Variants in CCSER1 observed in about 807,000 individuals in gnomAD.
CCSER1 encodes coiled-coil serine rich protein 1.
A neutral mutation model predicts 82.0 loss-of-function variants in CCSER1; 41 were observed. The ratio of observed to expected loss-of-function variants is 0.50; its 90% CI spans 0.39 to 0.65. CCSER1 has a LOEUF of 0.65. Ranked by LOEUF, CCSER1 falls within the 30% of genes least tolerant of loss-of-function variation. CCSER1 has a pLI of 0.00. For synonymous variants in CCSER1, 414 were observed against 383.9 expected, an observed-to-expected ratio of 1.08 and a Z score of -0.92; for missense variants, 1,119 against 1,064.2, an observed-to-expected ratio of 1.05 and a Z score of -0.72.
intron 10 of CCSER1, among the ~76,000 whole-genome samples, chr4:91,106,985 A>T (rs1234904501): frequency 1.3e-5 from 2 of 152,172 alleles, no homozygotes; most frequent in Non-Finnish European, 2.9e-5. Flanking sequence ...TAAGACTGTA[A>T]TGGGGCTACC....
chr4:90,266,297 A>C (rs780070512), intron 1 of CCSER1, among the ~76,000 whole-genome samples: 7 of 150,518 alleles, frequency 4.7e-5, no homozygotes, highest in Admixed American at 6.6e-5. Context: ...TAGAGAACTA[A>C]AATGAATGTC....
chr4:91,476,718 A>G (rs1348128552), intron 10 of CCSER1, among the ~76,000 whole-genome samples: 3 of 151,742 alleles, frequency 2.0e-5, no homozygotes, highest in Non-Finnish European at 4.4e-5. Context: ...CCATAGACAA[A>G]TAGAACAGAA....
chr4:90,603,223 C>G (rs925253032), intron 5 of CCSER1, among the ~76,000 whole-genome samples: 1 of 152,184 alleles, frequency 6.6e-6, no homozygotes, highest in Non-Finnish European at 1.5e-5. Flanking sequence ...AAATGTTAGG[C>G]CCATTATTTG....
intron 10 of CCSER1, among the ~76,000 whole-genome samples, chr4:91,544,427 CCT>C (rs1336647436): frequency 6.6e-6 from 1 of 152,072 alleles, no homozygotes; most frequent in Non-Finnish European, 1.5e-5. Context: ...CTGGTTTCTC[CCT>C]GTCTTTTTGG....
intron 10 of CCSER1, among the ~76,000 whole-genome samples, chr4:91,163,740 A>C (rs556142730): frequency 4.6e-5 from 7 of 151,326 alleles, no homozygotes; most frequent in Non-Finnish European, 1.0e-4. Context: ...TTTTTCAGAG[A>C]CTAGGATTGC....
At chr4:90,523,909 T>C (rs1205090443) in intron 5 of CCSER1, among the ~76,000 whole-genome samples, 1 of 152,170 alleles carries the variant, frequency 6.6e-6, no homozygotes, top group African/African-American at 2.4e-5. Flanking sequence ...GCTAAAGATG[T>C]CACTATTTGA....
chr4:91,490,705 T>G (rs1420534285), intron 10 of CCSER1, among the ~76,000 whole-genome samples: 1 of 149,726 alleles, frequency 6.7e-6, no homozygotes, highest in Admixed American at 6.7e-5. Context: ...CACTTAACAG[T>G]GTGACTACAG....
At position 90,309,357 on chromosome 4, in the gene CCSER1, C is replaced by G; in HGVS notation, c.1073C>G (p.Thr358Arg). ...TTACAAATTGCTGAACTACCTGCTA[C>G]AAGTGTGAGCCACTCAGAGAGTAAC... ...VLLQIAELPA[T>R]SVSHSESNLP... The change falls in exon 2 of 11, where the codon ACA (threonine) becomes AGA (arginine). Residue 358 changes from threonine (T) to arginine (R), a missense_variant. Coordinates refer to ENST00000509176, the MANE Select transcript of CCSER1 (RefSeq NM_001145065.2). 1 of 1,613,784 alleles carries G rather than the reference C, an allele frequency of 6.2e-7. No homozygotes were observed. Among genetic ancestry groups the G allele is most frequent in the Non-Finnish European group, 8.5e-7 (1 of 1,179,796 alleles).
In CCSER1 at chr4:91,352,651, C is replaced by A. The variant is rs535704743; in HGVS notation, c.2218-245921C>A. On this transcript the variant is annotated intron_variant, in intron 10 of 10. Transcript: ENST00000509176. ...GCATTCTTGCCTATACTGTATAAAACCTGATTTCTTAGACCAAATAATTTA... is the reference window on the plus strand; with the variant it reads ...GCATTCTTGCCTATACTGTATAAAAACTGATTTCTTAGACCAAATAATTTA... 6.6e-5 allele frequency among the ~76,000 whole-genome samples: 10 copies of A among 152,238 alleles called. No homozygotes were observed. The South Asian group carries it at 1.7e-3, about 25-fold the overall frequency.
chr4:91,332,725 C>T (rs933653140), intron 10 of CCSER1, among the ~76,000 whole-genome samples: 15 of 152,066 alleles, frequency 9.9e-5, no homozygotes, highest in Middle Eastern at 3.4e-3. Flanking sequence ...GTCTGTGGAA[C>T]GTAAGGAGCT....
intron 9 of CCSER1, among the ~76,000 whole-genome samples, chr4:91,076,658 C>G (rs13114157): frequency 0.091 from 13,796 of 152,132 alleles, 945 homozygotes; most frequent in East Asian, 0.27. Flanking sequence ...ACCTTGACTT[C>G]TGTTTCTATT....
intron 8 of CCSER1, among the ~76,000 whole-genome samples, chr4:90,842,629 C>CA (rs1295459113): frequency 1.3e-5 from 2 of 152,026 alleles, no homozygotes; most frequent in African/African-American, 4.8e-5. Flanking sequence ...TGAAGAGAAC[C>CA]ATCAGAAAAT....
intron 9 of CCSER1, among the ~76,000 whole-genome samples, chr4:91,029,821 G>A (rs1044332673): frequency 1.3e-5 from 2 of 152,006 alleles, no homozygotes; most frequent in African/African-American, 2.4e-5. Context: ...AGTACTGTAA[G>A]TTCTATTTAA....
intron 5 of CCSER1, among the ~76,000 whole-genome samples, chr4:90,575,504 T>C (rs1392480122): frequency 6.6e-6 from 1 of 152,178 alleles, no homozygotes; most frequent in Non-Finnish European, 1.5e-5. Context: ...GGATTAAATT[T>C]CCAACACAGG....
chr4:91,470,949 C>A (rs762478082), intron 10 of CCSER1, among the ~76,000 whole-genome samples: 33 of 152,124 alleles, frequency 2.2e-4, no homozygotes, highest in Non-Finnish European at 3.7e-4. Flanking sequence ...CCTGCATATT[C>A]TAATGTATAT....
At chr4:91,111,286 T>G (rs2148872408) in intron 10 of CCSER1, among the ~76,000 whole-genome samples, 1 of 152,114 alleles carries the variant, frequency 6.6e-6, no homozygotes, top group East Asian at 1.9e-4. Flanking sequence ...GTAATTCCCT[T>G]TTGAATAAAT....
At chr4:91,058,882 A>G (rs1307315251) in intron 9 of CCSER1, among the ~76,000 whole-genome samples, 2 of 151,984 alleles carry the variant, frequency 1.3e-5, no homozygotes, top group African/African-American at 4.8e-5. Flanking sequence ...AGTATGAATT[A>G]TTGTCTTTCC....
intron 10 of CCSER1, among the ~76,000 whole-genome samples, chr4:91,296,481 A>T (rs1212120395): frequency 2.1e-4 from 29 of 138,502 alleles, no homozygotes; most frequent in East Asian, 1.8e-3. Flanking sequence ...ATATATATAT[A>T]TATATTTTAA....
At chr4:90,223,703 G>A (rs1485555861) in intron 1 of CCSER1, among the ~76,000 whole-genome samples, 1 of 152,172 alleles carries the variant, frequency 6.6e-6, no homozygotes, top group Non-Finnish European at 1.5e-5. Flanking sequence ...TGTTAATCCA[G>A]TGATTTCAGT....
Sources: gnomAD v4.1 joint callset for allele counts (sites outside exome capture counted in the v4.1 genomes callset) on GRCh38, gnomAD v4.1.1 for gene constraint, MANE v1.5 for transcripts, NCBI Gene and HGNC (gene_info 2026-07-23, HGNC 2026-07-21) for gene names.